Variants in EYS observed in about 807,000 individuals in gnomAD.
EYS encodes the protein EGF-like photoreceptor maintenance factor.
EYS carries 250 observed loss-of-function variants against 282.1 expected under a neutral mutation model. That is an observed-to-expected ratio of 0.89 (90% CI 0.80 to 0.98). The LOEUF (loss-of-function observed/expected upper bound fraction) is 0.98. EYS is among the 50% of genes least tolerant of loss of function. EYS has a pLI of 0.00. For missense variants in EYS, 4,016 were observed against 3,709.0 expected (o/e 1.08, Z -2.15); for synonymous variants, 1,355 against 1,282.9 (o/e 1.06, Z -1.20).
chr6:64,872,256 G>A (rs1339246568), intron 19 of EYS, among the ~76,000 whole-genome samples: 3 of 151,966 alleles, frequency 2.0e-5, no homozygotes, highest in African/African-American at 7.2e-5. Context: ...ATTGTAATAA[G>A]AAGCAAAAAT....
At chr6:64,106,277 A>C (rs913836698) in intron 31 of EYS, among the ~76,000 whole-genome samples, 2 of 152,126 alleles carry the variant, frequency 1.3e-5, no homozygotes, top group Non-Finnish European at 2.9e-5. Flanking sequence ...TAACTAATTT[A>C]GAACTAATTT....
At chr6:64,636,485 C>A (rs1299963259) in intron 22 of EYS, among the ~76,000 whole-genome samples, 1 of 152,136 alleles carries the variant, frequency 6.6e-6, no homozygotes, top group Admixed American at 6.6e-5. Flanking sequence ...ACCATAAAAA[C>A]CCTAGAAGAA....
At chr6:64,156,175 G>A (rs1158109934) in intron 31 of EYS, among the ~76,000 whole-genome samples, 2 of 151,964 alleles carry the variant, frequency 1.3e-5, no homozygotes, top group African/African-American at 2.4e-5. Context: ...GACCTGGTGG[G>A]AGACAATTTG....
chr6:63,778,375 C>A, intron 39 of EYS, 195 bp from the exon 40 acceptor site: 1 of 566,890 alleles, frequency 1.8e-6, no homozygotes, highest in Non-Finnish European at 3.1e-6. Flanking sequence ...CATTTCACAG[C>A]AGACAACTAT....
intron 15 of EYS, among the ~76,000 whole-genome samples, chr6:64,931,642 T>C (rs76397837): frequency 6.6e-6 from 1 of 152,114 alleles, no homozygotes; most frequent in Non-Finnish European, 1.5e-5. Context: ...ACAAGATCAA[T>C]GTTTTAAATA....
At chr6:65,418,835 T>A (rs1028949928) in intron 5 of EYS, among the ~76,000 whole-genome samples, 7 of 151,734 alleles carry the variant, frequency 4.6e-5, no homozygotes, top group African/African-American at 1.7e-4. Flanking sequence ...TTAGAAGAAA[T>A]AAAGAGAAAA....
At chr6:65,364,042 T>G (rs1389924335) in intron 8 of EYS, among the ~76,000 whole-genome samples, 1 of 149,382 alleles carries the variant, frequency 6.7e-6, no homozygotes, top group Admixed American at 7.5e-5. Flanking sequence ...ACTTCTTTGG[T>G]ATTTTTTCAA....
intron 18 of EYS, among the ~76,000 whole-genome samples, chr6:64,890,511 C>T (rs1409970974): frequency 6.6e-6 from 1 of 152,058 alleles, no homozygotes; most frequent in Non-Finnish European, 1.5e-5. Context: ...CCAGCTGACG[C>T]TTAAGGAAAA....
chr6:65,246,549 A>C (rs1767184401), intron 12 of EYS, among the ~76,000 whole-genome samples: 1 of 152,114 alleles, frequency 6.6e-6, no homozygotes, highest in Admixed American at 6.5e-5. Context: ...TGCCTAACAG[A>C]AGCTTGGTGG....
intron 12 of EYS, among the ~76,000 whole-genome samples, chr6:65,130,627 T>C (rs1775842655): frequency 6.6e-6 from 1 of 151,454 alleles, no homozygotes; most frequent in Non-Finnish European, 1.5e-5. Flanking sequence ...ATAGAAGGGA[T>C]CAACACACAG....
chr6:65,117,847 A>T (rs1395737974), intron 12 of EYS, among the ~76,000 whole-genome samples: 1 of 152,208 alleles, frequency 6.6e-6, no homozygotes, highest in African/African-American at 2.4e-5. Flanking sequence ...TAGAGCTATG[A>T]CTAGCAATAC....
chr6:65,384,621 T>TTA lies in EYS; in HGVS notation c.1185-122_1185-121insTA. On this transcript the variant is annotated intron_variant, in intron 7 of 42. Transcript: ENST00000503581. ...AATTATATGGTATTATTAATCATTT[T>TTA]TTAATACATACCTGTGATCTTAGCC... is the stretch of plus-strand genomic sequence containing the variant. The TTA allele has an allele frequency of 6.4e-6, 4 of 626,248 alleles. No homozygotes were observed. In the South Asian group the frequency reaches 7.6e-5, roughly 12 times the overall value. The allele number at this position is 626,248 out of a possible 1,614,324, so 38.8% of individuals were successfully genotyped here.
intron 5 of EYS, among the ~76,000 whole-genome samples, chr6:65,483,617 A>C (rs1313461407): frequency 9.2e-5 from 14 of 152,208 alleles, no homozygotes; most frequent in Admixed American, 7.9e-4. Flanking sequence ...ATGTACATAT[A>C]TTGGTTTCTG....
chr6:65,609,887 T>C (rs1329487184), intron 2 of EYS, among the ~76,000 whole-genome samples: 1 of 152,076 alleles, frequency 6.6e-6, no homozygotes, highest in African/African-American at 2.4e-5. Context: ...TTTGAATGCA[T>C]TGTGTTTCAC....
chr6:63,882,220 A>G (rs925655206), intron 35 of EYS, among the ~76,000 whole-genome samples: 1 of 152,236 alleles, frequency 6.6e-6, no homozygotes, highest in African/African-American at 2.4e-5. Flanking sequence ...ACTTCAAGCT[A>G]TGAAGAGCAT....
In EYS at chr6:64,947,834, A is replaced by C. The variant is rs9453119; in HGVS notation, c.2260-1920T>G. 8.7e-3 allele frequency among the ~76,000 whole-genome samples: 1,317 copies of C among 151,920 alleles called. 17 individuals carry two copies. The highest frequency in any genetic ancestry group is 0.029 in the African/African-American group (1,221 of 41,532). On this transcript the variant is annotated intron_variant, in intron 14 of 42. Coordinates refer to ENST00000503581, the MANE Select transcript of EYS (RefSeq NM_001142800.2). ...TCAGTAGCATAAATGGCATATGCAT[A>C]AAATCTTCGGGACATGCCCATTCGT... is the stretch of plus-strand genomic sequence containing the variant.
chr6:64,734,939 T>C (rs1362103340), intron 22 of EYS, among the ~76,000 whole-genome samples: 1 of 152,204 alleles, frequency 6.6e-6, no homozygotes, highest in Non-Finnish European at 1.5e-5. Flanking sequence ...ATTAGTTCTT[T>C]CTCTCTAATA....
At chr6:64,784,992 G>C (rs1261177881) in intron 22 of EYS, among the ~76,000 whole-genome samples, 1 of 152,070 alleles carries the variant, frequency 6.6e-6, no homozygotes, top group Non-Finnish European at 1.5e-5. Context: ...TGGACATGGT[G>C]GTTTGTGCCT....
rs114065663 is a variant in EYS, at chr6:64,287,906, A to G, written c.6191+19064T>C. ...GCTCAGCCTTGAGCCCCAAACACTT[A>G]GCAGGAATTCTGATACAAATTTTTG... On this transcript the variant is annotated intron_variant, in intron 30 of 42. Transcript: ENST00000503581. Among the ~76,000 whole-genome samples, 306 of 152,278 alleles carry G rather than the reference A, an allele frequency of 2.0e-3. 1 individual carries two copies. The highest frequency in any genetic ancestry group is 7.0e-3 in the African/African-American group (291 of 41,570).
Sources: gnomAD v4.1 joint callset for allele counts (sites outside exome capture counted in the v4.1 genomes callset) on GRCh38, gnomAD v4.1.1 for gene constraint, MANE v1.5 for transcripts, NCBI Gene and HGNC (gene_info 2026-07-23, HGNC 2026-07-21) for gene names.